Variants in IGF1R observed in about 807,000 individuals in gnomAD.
The protein encoded by IGF1R is insulin like growth factor 1 receptor, also known as insulin-like growth factor 1 receptor.
IGF1R carries 44 observed loss-of-function variants against 144.6 expected under a neutral mutation model. The observed-to-expected ratio is 0.30, with a 90% CI of 0.24 to 0.39. The LOEUF (loss-of-function observed/expected upper bound fraction) is 0.39, where lower values mean the gene tolerates loss of function less well. Ranked by LOEUF, IGF1R falls within the 10% of genes least tolerant of loss-of-function variation. IGF1R has a pLI of 1.00. For synonymous variants in IGF1R, 795 were observed against 722.8 expected (o/e 1.10, Z -1.60); for missense variants, 1,355 against 1,833.7 (o/e 0.74, Z 4.77).
At chr15:98,695,908 C>T (rs906809592) in intron 1 of IGF1R, among the ~76,000 whole-genome samples, 2 of 152,138 alleles carry the variant, frequency 1.3e-5, no homozygotes, top group African/African-American at 2.4e-5. Flanking sequence ...CTTGGATGTT[C>T]TTCCACTGAC....
intron 2 of IGF1R, among the ~76,000 whole-genome samples, chr15:98,732,460 C>T (rs1011506153): frequency 8.5e-5 from 13 of 152,132 alleles, no homozygotes; most frequent in African/African-American, 3.1e-4. Flanking sequence ...GGCAGTGCCA[C>T]GAGCAGATCT....
chr15:98,927,037 C>T (rs2015748789), intron 13 of IGF1R, among the ~76,000 whole-genome samples: 1 of 152,160 alleles, frequency 6.6e-6, no homozygotes, highest in Non-Finnish European at 1.5e-5. Context: ...GCAACCTTGG[C>T]TTCTGGGGTT....
At chr15:98,816,202 T>C (rs1205045963) in intron 2 of IGF1R, among the ~76,000 whole-genome samples, 1 of 152,236 alleles carries the variant, frequency 6.6e-6, no homozygotes, top group Non-Finnish European at 1.5e-5. Context: ...TCCTGTCTCT[T>C]TGAGGTTCCA....
chr15:98,725,219 G>T (rs2054330001), intron 2 of IGF1R, among the ~76,000 whole-genome samples: 3 of 152,050 alleles, frequency 2.0e-5, no homozygotes, highest in African/African-American at 7.2e-5. Context: ...GTATTCTGAT[G>T]GTGGAATCAG....
At chr15:98,714,262 G>A (rs1178954542) in intron 2 of IGF1R, among the ~76,000 whole-genome samples, 2 of 152,118 alleles carry the variant, frequency 1.3e-5, no homozygotes, top group East Asian at 1.9e-4. Context: ...GTTGTCTTGC[G>A]GAGTAGAGGC....
intron 19 of IGF1R, among the ~76,000 whole-genome samples, chr15:98,944,910 C>G (rs1187158231): frequency 1.3e-5 from 2 of 152,266 alleles, no homozygotes; most frequent in Non-Finnish European, 2.9e-5. Context: ...GACCTTCTCT[C>G]TGTAGCACAA....
intron 2 of IGF1R, among the ~76,000 whole-genome samples, chr15:98,862,609 A>G (rs1441913439): frequency 6.6e-6 from 1 of 152,196 alleles, no homozygotes; most frequent in East Asian, 1.9e-4. Context: ...CTTGAGGTGC[A>G]CGGCTTTTAG....
At chr15:98,686,664 TATTTA>T (rs2043069796) in intron 1 of IGF1R, among the ~76,000 whole-genome samples, 1 of 149,354 alleles carries the variant, frequency 6.7e-6, no homozygotes, top group African/African-American at 2.4e-5. Context: ...ATCAATGAAG[TATTTA>T]ATTTTTTTTT....
chr15:98,827,944 A>G (rs2056925640), intron 2 of IGF1R, among the ~76,000 whole-genome samples: 2 of 152,124 alleles, frequency 1.3e-5, no homozygotes, highest in African/African-American at 4.8e-5. Flanking sequence ...GTTTTCTCCC[A>G]CACCTGTCCC....
At chr15:98,823,149 G>T (rs960808180) in intron 2 of IGF1R, among the ~76,000 whole-genome samples, 3 of 152,158 alleles carry the variant, frequency 2.0e-5, no homozygotes, top group African/African-American at 7.2e-5. Flanking sequence ...CATAAACTGG[G>T]CTAAGAAACA....
intron 2 of IGF1R, among the ~76,000 whole-genome samples, chr15:98,859,552 A>G (rs529794146): frequency 1.3e-5 from 2 of 152,344 alleles, no homozygotes; most frequent in African/African-American, 4.8e-5. Context: ...ACTTCTTGCA[A>G]GGTTTCTGAA....
chr15:98,699,884 T>C (rs961951597), intron 1 of IGF1R, among the ~76,000 whole-genome samples: 1 of 152,232 alleles, frequency 6.6e-6, no homozygotes, highest in African/African-American at 2.4e-5. Flanking sequence ...GAGTTTCCTC[T>C]GTAATGGAAA....
intron 2 of IGF1R, among the ~76,000 whole-genome samples, chr15:98,812,042 C>T (rs2056602587): frequency 6.6e-6 from 1 of 152,180 alleles, no homozygotes; most frequent in Admixed American, 6.5e-5. Context: ...TTTACTTGTT[C>T]TTTGTTTCAG....
Position 98,704,035 on chromosome 15 carries a change from C to G in IGF1R, c.95-3527C>G, listed in dbSNP as rs151270914. ...GGTCACTTTTCGAAACTCAGGCACA[C>G]GACACACAGTTAATTTAGTGTCCCC... On this transcript the variant is annotated intron_variant, in intron 1 of 20. Coordinates refer to ENST00000650285, the MANE Select transcript of IGF1R (RefSeq NM_000875.5). The surrounding 1 kb of genome is among the most constrained non-coding windows in gnomAD (Gnocchi z 4.9). Among the ~76,000 whole-genome samples the G allele has an allele frequency of 2.8e-5, 4 of 144,062 alleles. No individual in the cohort carries two copies. In the East Asian group the frequency reaches 8.4e-4, roughly 30 times the overall value. The allele number at this position is 144,062 out of a possible 152,430, so 94.5% of individuals were successfully genotyped here.
chr15:98,770,118 A>G (rs1020660842), intron 2 of IGF1R, among the ~76,000 whole-genome samples: 1 of 152,098 alleles, frequency 6.6e-6, no homozygotes, highest in Non-Finnish European at 1.5e-5. Flanking sequence ...GGGGATCTAA[A>G]TTGGGATTCT....
intron 18 of IGF1R, among the ~76,000 whole-genome samples, chr15:98,942,320 A>T (rs1231530436): frequency 1.3e-5 from 2 of 152,010 alleles, no homozygotes; most frequent in Non-Finnish European, 2.9e-5. Flanking sequence ...TCTAATTTTT[A>T]CACCGCTTCC....
rs1360009133 is a variant in IGF1R, at chr15:98,960,952, A to G, written c.*3510A>G. 8.6e-6 allele frequency: 2 copies of G among 233,624 alleles called. No individual in the cohort carries two copies. The highest frequency in any genetic ancestry group is 1.1e-4 in the Admixed American group (2 of 17,782). The allele number at this position is 233,624 out of a possible 1,614,324, so 14.5% of individuals were successfully genotyped here. A position where few individuals can be genotyped will look rare whatever the true frequency, so the allele number is the denominator to read the frequency against. On this transcript the variant is annotated 3_prime_UTR_variant, in exon 21 of 21. Coordinates refer to ENST00000650285, the MANE Select transcript of IGF1R (RefSeq NM_000875.5). ...CTCCGTCTCCCTGGTCCTGCTGCTC[A>G]CAGGACAGACGGCTCGCTCCCCTCT...
chr15:98,918,268 G>C (rs1009079204), intron 10 of IGF1R, among the ~76,000 whole-genome samples: 1 of 152,106 alleles, frequency 6.6e-6, no homozygotes, highest in Non-Finnish European at 1.5e-5. Context: ...CCCGCTGCCA[G>C]CACCCCACCC....
At chr15:98,941,071 A>G (rs1157304061) in intron 18 of IGF1R, among the ~76,000 whole-genome samples, 1 of 152,176 alleles carries the variant, frequency 6.6e-6, no homozygotes, top group Admixed American at 6.5e-5. Context: ...TTCCCAGTGC[A>G]GGGGGGAGCC....
Sources: gnomAD v4.1 joint callset for allele counts (sites outside exome capture counted in the v4.1 genomes callset) on GRCh38, gnomAD v4.1.1 for gene constraint, Gnocchi (gnomAD v3.1) non-coding constraint, MANE v1.5 for transcripts, NCBI Gene and HGNC (gene_info 2026-07-23, HGNC 2026-07-21) for gene names.